PLCE1: variants seen among roughly 807,000 people sequenced by gnomAD.
PLCE1 encodes 1-phosphatidylinositol 4,5-bisphosphate phosphodiesterase epsilon-1.
In PLCE1, 119 loss-of-function variants were observed where a neutral mutation model predicts 242.8. The ratio of observed to expected loss-of-function variants is 0.49; its 90% CI spans 0.42 to 0.57. The LOEUF is 0.57. PLCE1 is among the 20% of genes least tolerant of loss of function. The pLI, the probability that PLCE1 is intolerant of heterozygous loss-of-function variation, is 0.00. For synonymous variants in PLCE1, 945 were observed against 1,017.4 expected, an observed-to-expected ratio of 0.93 and a Z score of 1.35; for missense variants, 2,441 against 2,788.8, an observed-to-expected ratio of 0.88 and a Z score of 2.81.
chr10:94,301,584 C>T (rs1303621361), intron 24 of PLCE1, among the ~76,000 whole-genome samples: 1 of 152,142 alleles, frequency 6.6e-6, no homozygotes, highest in Non-Finnish European at 1.5e-5. Flanking sequence ...TTCTAACGCT[C>T]CAAGTGGGTG....
chr10:94,164,262 C>T (rs1221780061), intron 3 of PLCE1, among the ~76,000 whole-genome samples: 1 of 152,152 alleles, frequency 6.6e-6, no homozygotes, highest in African/African-American at 2.4e-5. Flanking sequence ...AGCTTGGTTC[C>T]ATTCTCCCCA....
At chr10:94,201,044 T>C (rs2048971272) in intron 4 of PLCE1, among the ~76,000 whole-genome samples, 1 of 152,116 alleles carries the variant, frequency 6.6e-6, no homozygotes, top group Non-Finnish European at 1.5e-5. Context: ...AAAAGGACAT[T>C]AGGTAAAAAC....
chr10:94,313,426 T>A, intron 28 of PLCE1, 44 bp downstream of exon 28: 1 of 1,607,874 alleles, frequency 6.2e-7, no homozygotes, highest in Non-Finnish European at 8.5e-7. Flanking sequence ...AAATCTAAGA[T>A]GTATGGATGT....
chr10:94,132,746 C>T (rs952311135), intron 3 of PLCE1, among the ~76,000 whole-genome samples: 6 of 152,004 alleles, frequency 3.9e-5, no homozygotes, highest in Admixed American at 3.9e-4. Flanking sequence ...GTCAGGAGAT[C>T]GAGACCATCC....
At chr10:94,269,142 T>C in intron 17 of PLCE1, 106 bp downstream of exon 17, 1 of 636,788 alleles carries the variant, frequency 1.6e-6, no homozygotes, top group Non-Finnish European at 2.8e-6. Flanking sequence ...CGCTCTGTTA[T>C]CCAGGCTGGA....
intron 29 of PLCE1, among the ~76,000 whole-genome samples, chr10:94,319,891 A>C (rs1235623935): frequency 1.2e-5 from 1 of 83,910 alleles, no homozygotes; most frequent in Non-Finnish European, 2.3e-5. Flanking sequence ...TTTTTTTGAG[A>C]TGGAGTCTGG....
intron 4 of PLCE1, among the ~76,000 whole-genome samples, chr10:94,223,769 A>G (rs559429076): frequency 2.0e-5 from 3 of 152,276 alleles, no homozygotes; most frequent in South Asian, 2.1e-4. Flanking sequence ...ATAATCTGCT[A>G]CCATTAACAC....
intron 2 of PLCE1, among the ~76,000 whole-genome samples, chr10:94,080,712 A>C (rs2044631008): frequency 6.6e-6 from 1 of 152,180 alleles, no homozygotes; most frequent in Non-Finnish European, 1.5e-5. Flanking sequence ...TCAAAAACAG[A>C]GTTATCCAGG....
At chr10:94,070,807 A>G (rs571382470) in intron 2 of PLCE1, among the ~76,000 whole-genome samples, 1 of 152,244 alleles carries the variant, frequency 6.6e-6, no homozygotes, top group African/African-American at 2.4e-5. Flanking sequence ...ATGTCTCCCC[A>G]GCTTCTATCT....
At position 94,298,794 on chromosome 10, in the gene PLCE1, T is replaced by G; in HGVS notation, c.5458+125T>G. On this transcript the variant is annotated intron_variant, in intron 24 of 32. Coordinates refer to ENST00000371380, the MANE Select transcript of PLCE1 (RefSeq NM_016341.4). This position sits in a 1 kb window ranked among gnomAD's most constrained non-coding sequence, Gnocchi z 5.2. ...CACACCATATGTGAGAGTAAAAATA[T>G]GATGATGGAAAACAGAAGTGAATTT... 1 of 959,330 alleles carries G rather than the reference T, an allele frequency of 1.0e-6. No homozygotes were observed. Among genetic ancestry groups the G allele is most frequent in the Middle Eastern group, 3.1e-4 (1 of 3,186 alleles). 59.4% of individuals were successfully genotyped at this position (959,330 alleles called of 1,614,324 possible).
chr10:94,198,634 C>G (rs1206065343), intron 4 of PLCE1, among the ~76,000 whole-genome samples: 1 of 152,226 alleles, frequency 6.6e-6, no homozygotes, highest in Non-Finnish European at 1.5e-5. Context: ...TCCCCTATCT[C>G]AAACCTCTGG....
At chr10:94,059,997 AGTGTTTTTT>A (rs1464361039) in intron 2 of PLCE1, among the ~76,000 whole-genome samples, 1 of 152,162 alleles carries the variant, frequency 6.6e-6, no homozygotes, top group East Asian at 1.9e-4. Flanking sequence ...TTATAGTGGA[AGTGTTTTTT>A]GTGTTTTTTG....
chr10:94,316,835 A>T, intron 29 of PLCE1, 79 bp downstream of exon 29: 1 of 1,070,230 alleles, frequency 9.3e-7, no homozygotes, highest in Non-Finnish European at 1.4e-6. Flanking sequence ...CCTCCCTGAA[A>T]TTCAGAATTT....
intron 4 of PLCE1, among the ~76,000 whole-genome samples, chr10:94,217,216 G>C (rs2049558892): frequency 6.6e-6 from 1 of 151,798 alleles, no homozygotes; most frequent in African/African-American, 2.4e-5. Context: ...CAGCCTTGTA[G>C]AGCTGAAAGG....
chr10:94,113,408 A>T (rs758120628), intron 2 of PLCE1, among the ~76,000 whole-genome samples: 1 of 152,208 alleles, frequency 6.6e-6, no homozygotes, highest in Non-Finnish European at 1.5e-5. Context: ...AATGGGGACA[A>T]TAACTGAGGG....
chr10:94,237,462 CCA>C (rs1204185698), intron 7 of PLCE1, among the ~76,000 whole-genome samples: 1 of 152,184 alleles, frequency 6.6e-6, no homozygotes, highest in African/African-American at 2.4e-5. Context: ...CTAATTTTCT[CCA>C]CAGTCTCTTG....
At chr10:94,218,093 A>G (rs2049592070) in intron 4 of PLCE1, among the ~76,000 whole-genome samples, 1 of 152,214 alleles carries the variant, frequency 6.6e-6, no homozygotes, top group Non-Finnish European at 1.5e-5. Context: ...AATGAAGCAA[A>G]TGATGTCTAC....
intron 2 of PLCE1, chr10:94,104,698 C>T (rs564756259): frequency 6.6e-6 from 1 of 152,164 alleles, no homozygotes; most frequent in African/African-American, 2.4e-5. Context: ...CCTTCAGTCC[C>T]CCATCTGCAT....
chr10:94,269,866 T>A (rs2051662901), intron 17 of PLCE1, among the ~76,000 whole-genome samples: 1 of 152,204 alleles, frequency 6.6e-6, no homozygotes, highest in South Asian at 2.1e-4. Context: ...AGTTATGCAA[T>A]TACTACCTTC....
Sources: allele counts gnomAD v4.1 joint callset (sites outside exome capture counted in the v4.1 genomes callset), GRCh38; gene constraint gnomAD v4.1.1; non-coding constraint Gnocchi (gnomAD v3.1); transcripts MANE v1.5; gene names NCBI Gene and HGNC (gene_info 2026-07-23, HGNC 2026-07-21).